The following NHSL2 variants were observed in gnomAD, a reference collection of about 807,000 sequenced individuals.
NHSL2 encodes NHS-like protein 2.
In NHSL2, 27 loss-of-function variants were observed where a neutral mutation model predicts 53.4. The ratio of observed to expected loss-of-function variants is 0.51; its 90% confidence interval spans 0.37 to 0.70. The LOEUF is 0.70. NHSL2 is among the 30% of genes least tolerant of loss of function. The pLI, the probability that NHSL2 is intolerant of heterozygous loss-of-function variation, is 0.00. For missense variants in NHSL2, 892 were observed against 980.1 expected (o/e 0.91, Z 1.20); for synonymous variants, 408 against 404.1 (o/e 1.01, Z -0.12).
chrX:71,923,571 T>TA (rs2041670295), intron 1 of NHSL2, among the ~76,000 whole-genome samples: 1 of 112,075 alleles, frequency 8.9e-6, no homozygotes, highest in Non-Finnish European at 1.9e-5. Flanking sequence ...ATGTCAGTGA[T>TA]ATACCCTGTT....
chrX:72,105,554 T>C (rs1443497497), intron 1 of NHSL2, among the ~76,000 whole-genome samples: 2 of 111,641 alleles, frequency 1.8e-5, no homozygotes, highest in Admixed American at 1.9e-4. Flanking sequence ...GTTGTCATCT[T>C]CTGCACAGTT....
chrX:71,939,675 G>T (rs1432229862), intron 1 of NHSL2, among the ~76,000 whole-genome samples: 1 of 112,061 alleles, frequency 8.9e-6, no homozygotes, highest in Non-Finnish European at 1.9e-5. Context: ...CCTTGGACAA[G>T]TTCCTTAACC....
At chrX:72,130,572 T>C in intron 1 of NHSL2, 1 of 1,211,711 alleles carries the variant, frequency 8.3e-7, no homozygotes, top group Non-Finnish European at 1.1e-6. Flanking sequence ...AGATGATATT[T>C]CGAACTCCAG....
chrX:71,963,003 A>G (rs1237547744), intron 1 of NHSL2, among the ~76,000 whole-genome samples: 1 of 110,257 alleles, frequency 9.1e-6, no homozygotes, highest in Non-Finnish European at 1.9e-5. Context: ...CAGTCTAGCT[A>G]GAGATTTGTC....
intron 1 of NHSL2, among the ~76,000 whole-genome samples, chrX:72,095,098 CCCTGTTGCCATGGTT>C (rs1364951430): frequency 8.9e-6 from 1 of 111,823 alleles, no homozygotes; most frequent in Non-Finnish European, 1.9e-5. Context: ...TTGCCATGGC[CCCTGTTGCCATGGTT>C]CCCAAGCACT....
In NHSL2 at chrX:71,942,972, CTGTGTGTGTG is replaced by C. The variant is rs58935869; in HGVS notation, c.280+31631_280+31640del. ...GCTCTCTCTCTCTCTCTCTCTCTCTCTGTGTGTGTGTGTGTGTGTGTGTGTGTGTGTGTGT... is the reference window on the plus strand; with the variant it reads ...GCTCTCTCTCTCTCTCTCTCTCTCTCTGTGTGTGTGTGTGTGTGTGTGTGT... On this transcript the variant is annotated intron_variant, in intron 1 of 7. Coordinates refer to ENST00000633930, the MANE Select transcript of NHSL2 (RefSeq NM_001013627.3). Among the ~76,000 whole-genome samples the C allele has an allele frequency of 2.4e-3, 175 of 74,015 alleles. No homozygotes were observed. The Middle Eastern group carries it at 0.031, about 13-fold the overall frequency. 64.3% of individuals were successfully genotyped at this position (74,015 alleles called of 115,157 possible).
chrX:71,950,142 T>C (rs1439996744), intron 1 of NHSL2, among the ~76,000 whole-genome samples: 4 of 113,341 alleles, frequency 3.5e-5, no homozygotes, highest in Non-Finnish European at 5.6e-5. Context: ...TATTTTTTTT[T>C]CCACCTGGAA....
At chrX:71,920,784 G>A (rs189333704) in intron 1 of NHSL2, among the ~76,000 whole-genome samples, 1 of 109,091 alleles carries the variant, frequency 9.2e-6, no homozygotes, top group Non-Finnish European at 1.9e-5. Flanking sequence ...GTAATAATGC[G>A]AGGTTAGGTT....
intron 1 of NHSL2, among the ~76,000 whole-genome samples, chrX:72,018,028 C>G (rs1403822767): frequency 8.9e-6 from 1 of 111,849 alleles, no homozygotes; most frequent in Non-Finnish European, 1.9e-5. Context: ...TGCCCTCTGC[C>G]CTATATAATC....
In NHSL2 at chrX:72,147,649, A is replaced by G; in HGVS notation, c.*4075A>G. On this transcript the variant is annotated 3_prime_UTR_variant, in exon 8 of 8. Coordinates refer to ENST00000633930, the MANE Select transcript of NHSL2 (RefSeq NM_001013627.3). ...GGATGCTCCCAAGGCCAGCCCTTCA[A>G]CAAAAGAGTGACTGAGTTGACGGTC... 8.9e-6 allele frequency: 1 copy of G among 111,870 alleles called. No homozygotes were observed. Among genetic ancestry groups the G allele is most frequent in the Non-Finnish European group, 1.9e-5 (1 of 53,192 alleles). The allele number at this position is 111,870 out of a possible 1,213,427, so 9.2% of individuals were successfully genotyped here.
chrX:71,958,434 T>A (rs1422704393), intron 1 of NHSL2, among the ~76,000 whole-genome samples: 1 of 111,842 alleles, frequency 8.9e-6, no homozygotes, highest in Non-Finnish European at 1.9e-5. Context: ...TCCTCAACTC[T>A]GGGAGAAGGC....
At chrX:71,999,065 G>A (rs1464359552) in intron 1 of NHSL2, among the ~76,000 whole-genome samples, 3 of 112,220 alleles carry the variant, frequency 2.7e-5, no homozygotes, top group Non-Finnish European at 5.6e-5. Flanking sequence ...TACATGAGAA[G>A]CCTCCCTCAA....
intron 1 of NHSL2, among the ~76,000 whole-genome samples, chrX:72,115,984 G>C (rs991877085): frequency 2.7e-5 from 3 of 111,099 alleles, no homozygotes; most frequent in Non-Finnish European, 3.8e-5. Context: ...GTTTTATCAG[G>C]CTGTCCAAAG....
At chrX:71,944,394 C>T (rs1406084869) in intron 1 of NHSL2, among the ~76,000 whole-genome samples, 1 of 112,122 alleles carries the variant, frequency 8.9e-6, no homozygotes, top group Non-Finnish European at 1.9e-5. Flanking sequence ...TGGCCTGCTC[C>T]GGTCCTGAGT....
intron 7 of NHSL2, 120 bp downstream of exon 7, chrX:72,142,484 G>T: frequency 3.5e-6 from 2 of 574,571 alleles, no homozygotes; most frequent in Non-Finnish European, 5.2e-6. Context: ...TTAAAAATAA[G>T]AAAAACTGCT....
At chrX:72,060,871 T>C (rs2042395739) in intron 1 of NHSL2, among the ~76,000 whole-genome samples, 1 of 113,043 alleles carries the variant, frequency 8.8e-6, no homozygotes, top group Non-Finnish European at 1.9e-5. Context: ...CTTCATGTCT[T>C]TGGCAGGGAC....
chrX:72,079,007 T>C (rs996520409), intron 1 of NHSL2, among the ~76,000 whole-genome samples: 4 of 111,916 alleles, frequency 3.6e-5, no homozygotes, highest in African/African-American at 1.3e-4. Context: ...CTGGCAAAGA[T>C]AGAAAAGAGA....
At chrX:71,999,700 A>G (rs2042064554) in intron 1 of NHSL2, among the ~76,000 whole-genome samples, 1 of 112,145 alleles carries the variant, frequency 8.9e-6, no homozygotes, top group African/African-American at 3.2e-5. Context: ...ATTATGTAAG[A>G]TGTCAACATA....
At position 72,150,535 on chromosome X, in the gene NHSL2, A is replaced by G. The variant is rs757716085; in HGVS notation, c.*6961A>G. 7.1e-5 allele frequency: 8 copies of G among 112,085 alleles called. No individual in the cohort carries two copies. The highest frequency in any genetic ancestry group is 9.4e-5 in the Non-Finnish European group (5 of 53,229). The allele number at this position is 112,085 out of a possible 1,213,427, so 9.2% of individuals were successfully genotyped here. On this transcript the variant is annotated 3_prime_UTR_variant, in exon 8 of 8. Transcript: ENST00000633930. ...TTTCACCTGGCTTGATATTCTGTCA[A>G]TCCCTGGGCTCAAATTCCAGCTCCA...
Sources: gnomAD v4.1 joint callset for allele counts (sites outside exome capture counted in the v4.1 genomes callset) on GRCh38, gnomAD v4.1.1 for gene constraint, MANE v1.5 for transcripts, NCBI Gene and HGNC (gene_info 2026-07-23, HGNC 2026-07-21) for gene names.